Variants in TSEN2 observed in about 807,000 individuals in gnomAD.
TSEN2 encodes the protein tRNA-splicing endonuclease subunit Sen2.
A neutral mutation model predicts 59.2 loss-of-function variants in TSEN2; 54 were observed. That is an observed-to-expected ratio of 0.91 (90% confidence interval 0.73 to 1.14). The LOEUF is 1.14. Ranked by LOEUF, TSEN2 falls within the 50% of genes most tolerant of loss-of-function variation. The pLI is 0.00. For synonymous variants in TSEN2, 195 were observed against 198.2 expected, an observed-to-expected ratio of 0.98 and a Z score of 0.14; for missense variants, 636 against 576.2, an observed-to-expected ratio of 1.10 and a Z score of -1.06.
intron 8 of TSEN2, among the ~76,000 whole-genome samples, chr3:12,523,466 C>T (rs990151912): frequency 6.7e-6 from 1 of 149,370 alleles, no homozygotes; most frequent in Non-Finnish European, 1.5e-5. Flanking sequence ...GTCAACAGAG[C>T]AGCTCTCTGT....
upstream of TSEN2, among the ~76,000 whole-genome samples, chr3:12,480,507 TTTTG>T (rs2052178589): frequency 6.6e-6 from 1 of 151,192 alleles, no homozygotes; most frequent in African/African-American, 2.4e-5. Flanking sequence ...GTTGTGTGGT[TTTTG>T]TTTGTTTTGT....
intron 8 of TSEN2, among the ~76,000 whole-genome samples, chr3:12,525,696 A>AG (rs2057016879): frequency 6.6e-6 from 1 of 152,158 alleles, no homozygotes; most frequent in Non-Finnish European, 1.5e-5. Context: ...AGGTGGGACT[A>AG]CAGGCATGCA....
chr3:12,493,454 C>T (rs1203204507), intron 3 of TSEN2, among the ~76,000 whole-genome samples: 39 of 152,194 alleles, frequency 2.6e-4, no homozygotes, highest in Non-Finnish European at 2.4e-4. Context: ...GTCGGCCAGG[C>T]GCGGTAGCTC....
At chr3:12,485,637 C>A (rs1167231972) in intron 1 of TSEN2, among the ~76,000 whole-genome samples, 1 of 152,160 alleles carries the variant, frequency 6.6e-6, no homozygotes, top group East Asian at 1.9e-4. Flanking sequence ...GAGGCCTGGG[C>A]ATGAGGAGTT....
In TSEN2 at chr3:12,496,564, A is replaced by G. The variant is rs754929317; in HGVS notation, c.308+10A>G. 8 of 1,614,052 alleles carry G rather than the reference A, an allele frequency of 5.0e-6. No homozygotes were observed. Among genetic ancestry groups the G allele is most frequent in the Non-Finnish European group, 6.8e-6 (8 of 1,179,964 alleles). ...TCATCACATCAAAGAGGTAAGTCATAATGAACTTTGGCTTCTGTCAAAATG... is the reference window on the plus strand; with the variant it reads ...TCATCACATCAAAGAGGTAAGTCATGATGAACTTTGGCTTCTGTCAAAATG... On this transcript the variant is annotated intron_variant, in intron 4 of 11. Coordinates refer to ENST00000284995, the MANE Select transcript of TSEN2 (RefSeq NM_025265.4).
Position 12,519,173 on chromosome 3 carries a change from G to A in TSEN2, c.1075G>A (p.Gly359Arg). 6.2e-7 allele frequency: 1 copy of A among 1,614,180 alleles called. No individual in the cohort carries two copies. The highest frequency in any genetic ancestry group is 8.5e-7 in the Non-Finnish European group (1 of 1,180,040). Reference protein sequence around the residue: ...FRSKGWVPKVGLKYGTDLLLY... With the variant: ...FRSKGWVPKVRLKYGTDLLLY... Reference sequence around the variant, plus strand: ...AAGCAAGGGCTGGGTGCCCAAAGTGGGACTCAAGTACGGGACAGATTTACG... The same window carrying A: ...AAGCAAGGGCTGGGTGCCCAAAGTGAGACTCAAGTACGGGACAGATTTACG... The change falls in exon 8 of 12, where the codon GGA becomes AGA. Residue 359 changes from glycine to arginine, a missense_variant. Physicochemically the swap from Gly to Arg is moderately radical, Grantham distance 125. Coordinates refer to ENST00000284995, the MANE Select transcript of TSEN2 (RefSeq NM_025265.4).
At chr3:12,529,991 A>G (rs1304929024) in intron 10 of TSEN2, 118 bp downstream of exon 10, 1 of 1,505,442 alleles carries the variant, frequency 6.6e-7, no homozygotes, top group Non-Finnish European at 8.9e-7. Flanking sequence ...CATTCCTGCC[A>G]GTGACATGCT....
At chr3:12,486,145 C>T (rs1488862958) in intron 1 of TSEN2, among the ~76,000 whole-genome samples, 3 of 152,132 alleles carry the variant, frequency 2.0e-5, no homozygotes, top group Admixed American at 2.0e-4. Context: ...CAAGGGATGA[C>T]TATAGTACCC....
rs1408087512 is a variant in TSEN2 at position 12,539,324 on chromosome 3, GGGTTTCACTATGTTGGCCAGGCT to G, written c.1428_1450del (p.Ser477TrpfsTer4). On this transcript the variant is annotated frameshift_variant, in exon 11 of 11. Transcript: ENST00000412698. LOFTEE classifies it high-confidence loss of function. ...AATTTTTGTATTTTTAGTAGAGACG[GGGTTTCACTATGTTGGCCAGGCT>G]GGTCTGGAACTCCTGACCTCAAGTG... 1.5e-5 allele frequency: 5 copies of G among 328,646 alleles called. No homozygotes were observed. In the East Asian group the frequency reaches 5.1e-4, roughly 34 times the overall value. The allele number at this position is 328,646 out of a possible 1,614,324, so 20.4% of individuals were successfully genotyped here.
At chr3:12,518,930 C>A in intron 7 of TSEN2, 129 bp from the exon 8 acceptor site, 1 of 894,736 alleles carries the variant, frequency 1.1e-6, no homozygotes, top group Non-Finnish European at 1.8e-6. Flanking sequence ...AAATAAATTG[C>A]TCTGCTGGGG....
In TSEN2 at chr3:12,503,081, AAAAG is replaced by A. The variant is rs369847887; in HGVS notation, c.309-173_309-170del. Among the ~76,000 whole-genome samples the A allele has an allele frequency of 2.4e-3, 370 of 152,298 alleles. 2 individuals are homozygous for A. Among genetic ancestry groups the A allele is most frequent in the African/African-American group, 8.1e-3 (337 of 41,564 alleles). On this transcript the variant is annotated intron_variant, in intron 4 of 11. Transcript: ENST00000284995. ...CAAGACTCCATCTCAAAAAAATAAAAAAAGAAAGAAAAGAAAATGCAGAAAAGTA... is the reference window on the plus strand; with the variant it reads ...CAAGACTCCATCTCAAAAAAATAAAAAAAGAAAAGAAAATGCAGAAAAGTA...
chr3:12,505,549 G>A, intron 6 of TSEN2: 2 of 297,954 alleles, frequency 6.7e-6, no homozygotes, highest in Non-Finnish European at 1.3e-5. Flanking sequence ...AGCACTTTGG[G>A]AGGCCAAGGC....
intron 10 of TSEN2, 142 bp downstream of exon 10, chr3:12,530,015 T>G: frequency 6.8e-7 from 1 of 1,478,796 alleles, no homozygotes; most frequent in Non-Finnish European, 8.9e-7. Context: ...AGATTTGGGG[T>G]CATTCGTACC....
chr3:12,527,945 A>G (rs913687638), intron 8 of TSEN2, among the ~76,000 whole-genome samples: 4 of 152,156 alleles, frequency 2.6e-5, no homozygotes, highest in Admixed American at 2.6e-4. Flanking sequence ...GCCAGATTCC[A>G]GAGTCTGTGT....
At chr3:12,513,993 G>A (rs918958250) in intron 6 of TSEN2, among the ~76,000 whole-genome samples, 2 of 152,212 alleles carry the variant, frequency 1.3e-5, no homozygotes, top group African/African-American at 4.8e-5. Context: ...TTCAACACAA[G>A]CATTGAACAC....
chr3:12,515,817 G>A (rs2056009118), intron 6 of TSEN2, among the ~76,000 whole-genome samples: 1 of 151,830 alleles, frequency 6.6e-6, no homozygotes, highest in Non-Finnish European at 1.5e-5. Context: ...AGATGACTGG[G>A]AAACTAGTAT....
In TSEN2 at chr3:12,533,026, G is replaced by T. The variant is rs1177978331; in HGVS notation, c.*305G>T. 2.1e-6 allele frequency: 1 copy of T among 466,078 alleles called. No homozygotes were observed. Among genetic ancestry groups the T allele is most frequent in the South Asian group, 2.4e-5 (1 of 42,212 alleles). 28.9% of individuals were successfully genotyped at this position (466,078 alleles called of 1,614,324 possible). On this transcript the variant is annotated 3_prime_UTR_variant, in exon 12 of 12. Coordinates refer to ENST00000284995, the MANE Select transcript of TSEN2 (RefSeq NM_025265.4). ...GATTGGACTAGAGGAGTCCTGAGAGGACACTTCCAACAAGAGACATTTATT... is the reference window on the plus strand; with the variant it reads ...GATTGGACTAGAGGAGTCCTGAGAGTACACTTCCAACAAGAGACATTTATT...
intron 3 of TSEN2, among the ~76,000 whole-genome samples, chr3:12,494,086 C>T (rs537328630): frequency 1.3e-5 from 2 of 152,294 alleles, no homozygotes; most frequent in African/African-American, 4.8e-5. Flanking sequence ...TTTGATCCAG[C>T]AATCTCACTT....
intron 11 of TSEN2, among the ~76,000 whole-genome samples, chr3:12,531,927 T>C (rs2057484510): frequency 6.6e-6 from 1 of 152,218 alleles, no homozygotes. Context: ...AGGTGGCCTG[T>C]GACCCCCTGG....
Sources: gnomAD v4.1 joint callset for allele counts (sites outside exome capture counted in the v4.1 genomes callset) on GRCh38, gnomAD v4.1.1 for gene constraint, MANE v1.5 for transcripts, NCBI Gene and HGNC (gene_info 2026-07-23, HGNC 2026-07-21) for gene names.